The following CFLAR variants were observed in gnomAD, a reference collection of about 807,000 sequenced individuals.
CFLAR encodes the protein CASP8 and FADD like apoptosis regulator.
Under a neutral mutation model 51.1 loss-of-function variants are expected in CFLAR, and 14 were observed. The observed-to-expected ratio is 0.27, with a 90% CI of 0.18 to 0.43. The LOEUF is 0.43. Among genes scored for constraint, CFLAR ranks in the 20% least tolerant of loss-of-function variants. The pLI is 1.00. For missense variants in CFLAR, 390 were observed against 566.5 expected, an observed-to-expected ratio of 0.69 and a Z score of 3.16; for synonymous variants, 210 against 211.6, an observed-to-expected ratio of 0.99 and a Z score of 0.06.
intron 8 of CFLAR, among the ~76,000 whole-genome samples, chr2:201,155,525 A>G (rs1371182807): frequency 2.6e-5 from 4 of 152,130 alleles, no homozygotes; most frequent in African/African-American, 9.7e-5. Context: ...CGGCCTCCCA[A>G]AGTGCTGGGA....
chr2:201,126,075 T>C (rs914343468), intron 1 of CFLAR, among the ~76,000 whole-genome samples: 11 of 152,064 alleles, frequency 7.2e-5, no homozygotes, highest in African/African-American at 2.2e-4. Flanking sequence ...CGCCACACTT[T>C]GAGATGAATT....
intron 3 of CFLAR, among the ~76,000 whole-genome samples, chr2:201,135,728 T>C (rs2050018370): frequency 6.6e-6 from 1 of 152,036 alleles, no homozygotes; most frequent in African/African-American, 2.4e-5. Flanking sequence ...TGAGTTCAAG[T>C]GATCCTCCAC....
At chr2:201,127,108 T>C (rs2048784999) in intron 1 of CFLAR, among the ~76,000 whole-genome samples, 1 of 85,764 alleles carries the variant, frequency 1.2e-5, no homozygotes, top group East Asian at 3.1e-4. Flanking sequence ...CAATTTTGTC[T>C]GGCTAGGGAA....
At chr2:201,163,298 C>T in intron 9 of CFLAR, 4 of 1,265,930 alleles carry the variant, frequency 3.2e-6, no homozygotes, top group Non-Finnish European at 4.0e-6. Flanking sequence ...TCCATTTAAG[C>T]TGAATGAAGC....
Position 201,163,959 on chromosome 2 carries a change from C to T in CFLAR, c.1429C>T (p.Leu477Phe), listed in dbSNP as rs1391586402. 3 of 1,613,118 alleles carry T rather than the reference C, an allele frequency of 1.9e-6. No homozygotes were observed. The highest frequency in any genetic ancestry group is 2.2e-5 in the East Asian group (1 of 44,892). ...LQHTLRKKLI[L>F]SYT The stretch of plus-strand genomic sequence containing the variant: ...GCACACTCTGAGAAAGAAACTTATC[C>T]TCTCCTACACATAAGAAACCAAAAG... The change falls in exon 10 of 10, where the codon CTC (leucine) becomes TTC (phenylalanine). Residue 477 changes from leucine (L) to phenylalanine (F), a missense_variant. This residue lies in a region of CFLAR where 287 missense variants were observed against 363.6 expected (regional missense o/e 0.79). Transcript: ENST00000309955.
At chr2:201,132,550 A>T (rs2049471347) in intron 2 of CFLAR, among the ~76,000 whole-genome samples, 2 of 151,716 alleles carry the variant, frequency 1.3e-5, no homozygotes, top group Admixed American at 1.3e-4. Flanking sequence ...GTACCCTTTG[A>T]GTTCAGAGGT....
At chr2:201,117,972 C>T (rs991452275) in intron 1 of CFLAR, among the ~76,000 whole-genome samples, 4 of 152,060 alleles carry the variant, frequency 2.6e-5, no homozygotes, top group African/African-American at 9.7e-5. Flanking sequence ...TCAGTCTGGT[C>T]TCGAACTCCT....
Position 201,136,521 on chromosome 2 carries a change from A to G in CFLAR, c.523+414A>G, listed in dbSNP as rs191751757. ...CTCATACCTTCCTTGCATGTGTCCC[A>G]AGTTTCACAAAACCTCCTTATGGAA... On this transcript the variant is annotated intron_variant, in intron 4 of 9. Coordinates refer to ENST00000309955, the MANE Select transcript of CFLAR (RefSeq NM_003879.7). The G allele has an allele frequency of 1.2e-5, 18 of 1,534,932 alleles. No individual in the cohort carries two copies. In the Admixed American group the frequency reaches 1.4e-4, roughly 12 times the overall value.
At chr2:201,141,722 A>G (rs1029082332) in intron 5 of CFLAR, 14 of 914,976 alleles carry the variant, frequency 1.5e-5, no homozygotes, top group Non-Finnish European at 1.8e-5. Context: ...ATAGTCACTT[A>G]TGGTTGTTGT....
Position 201,133,942 on chromosome 2 carries a change from A to AG in CFLAR, c.387+808_387+809insG, listed in dbSNP as rs1275483246. Among the ~76,000 whole-genome samples the AG allele has an allele frequency of 2.0e-5, 3 of 150,846 alleles. No homozygotes were observed. In the East Asian group the frequency reaches 5.9e-4, roughly 29 times the overall value. ...AGACTCCATCTCAAAAAAAAAAAAA[A>AG]AAAAAAAAAATGAAGAAAAGAAGAC... On this transcript the variant is annotated intron_variant, in intron 3 of 9. Coordinates refer to ENST00000309955, the MANE Select transcript of CFLAR (RefSeq NM_003879.7).
At chr2:201,149,114 T>C (rs1263109545) in intron 7 of CFLAR, 62 bp downstream of exon 7, 1 of 1,088,666 alleles carries the variant, frequency 9.2e-7, no homozygotes, top group East Asian at 2.4e-5. Flanking sequence ...CCCTGACTTC[T>C]TTAAAAATAC....
intron 5 of CFLAR, chr2:201,141,283 C>G: frequency 6.9e-7 from 1 of 1,454,674 alleles, no homozygotes; most frequent in Non-Finnish European, 9.1e-7. Flanking sequence ...ATTATTTTTC[C>G]TAAAGGCAGC....
At chr2:201,159,507 G>C (rs533603928) in intron 8 of CFLAR, among the ~76,000 whole-genome samples, 1 of 150,240 alleles carries the variant, frequency 6.7e-6, no homozygotes, top group Non-Finnish European at 1.5e-5. Context: ...ACAGGGTTTC[G>C]CCATGTTGGC....
At chr2:201,143,827 T>G (rs1461749058) in intron 5 of CFLAR, among the ~76,000 whole-genome samples, 1 of 151,968 alleles carries the variant, frequency 6.6e-6, no homozygotes, top group Non-Finnish European at 1.5e-5. Flanking sequence ...CCAGGCGCAG[T>G]GGCAGGCGCC....
chr2:201,123,045 AG>A (rs937188681), intron 1 of CFLAR, among the ~76,000 whole-genome samples: 1 of 152,202 alleles, frequency 6.6e-6, no homozygotes, highest in African/African-American at 2.4e-5. Context: ...TACCTGCCAA[AG>A]TGAAAATTTA....
rs1337971656 is a variant in CFLAR at position 201,163,968 on chromosome 2, A to G, written c.1438A>G (p.Thr480Ala). ...GAGAAAGAAACTTATCCTCTCCTAC[A>G]CATAAGAAACCAAAAGGCTGGGCGT... Reference protein sequence around the residue: ...TLRKKLILSYT With the variant: ...TLRKKLILSYA The change falls in exon 10 of 10, where the codon ACA (threonine) becomes GCA (alanine). Residue 480 changes from threonine to alanine, a missense_variant. By Grantham distance (58) the Thr-to-Ala change is moderately conservative (BLOSUM62 0). Coordinates refer to ENST00000309955, the MANE Select transcript of CFLAR (RefSeq NM_003879.7). 6.2e-7 allele frequency: 1 copy of G among 1,612,570 alleles called. No individual in the cohort carries two copies. Among genetic ancestry groups the G allele is most frequent in the Non-Finnish European group, 8.5e-7 (1 of 1,179,524 alleles).
intron 1 of CFLAR, among the ~76,000 whole-genome samples, chr2:201,126,666 C>G (rs2048745884): frequency 6.6e-6 from 1 of 152,202 alleles, no homozygotes; most frequent in Admixed American, 6.5e-5. Context: ...ATCCTCACTT[C>G]CCTGGCTGAG....
rs1427264384 is a variant in CFLAR at position 201,172,008 on chromosome 2, A to G, written c.*8035A>G. On this transcript the variant is annotated 3_prime_UTR_variant, in exon 10 of 10. Coordinates refer to ENST00000309955, the MANE Select transcript of CFLAR (RefSeq NM_003879.7). ...CTCCATGAAGTCAGTTATCTCTTCC[A>G]TTGGAATTATCGCCCCCTCTCCTGA... 6.6e-6 allele frequency: 1 copy of G among 152,172 alleles called. No individual in the cohort carries two copies. Among genetic ancestry groups the G allele is most frequent in the Non-Finnish European group, 1.5e-5 (1 of 68,046 alleles). The allele number at this position is 152,172 out of a possible 1,614,324, so 9.4% of individuals were successfully genotyped here. A position where few individuals can be genotyped will look rare whatever the true frequency, so the allele number is the denominator to read the frequency against.
intron 8 of CFLAR, among the ~76,000 whole-genome samples, chr2:201,156,683 A>G (rs1028525463): frequency 1.3e-5 from 2 of 152,156 alleles, no homozygotes; most frequent in Non-Finnish European, 2.9e-5. Context: ...ACAGCCCTGT[A>G]CTAACTGCAA....
Sources: allele counts gnomAD v4.1 joint callset (sites outside exome capture counted in the v4.1 genomes callset), GRCh38; gene constraint gnomAD v4.1.1; regional missense constraint gnomAD v4.1.1; transcripts MANE v1.5; gene names NCBI Gene and HGNC (gene_info 2026-07-23, HGNC 2026-07-21).